The following MTHFD1 variants were observed in gnomAD, a reference collection of about 807,000 sequenced individuals.
MTHFD1 encodes the protein C-1-tetrahydrofolate synthase, cytoplasmic.
Under a neutral mutation model 110.3 loss-of-function variants are expected in MTHFD1, and 44 were observed. The observed-to-expected ratio is 0.40, with a 90% confidence interval of 0.31 to 0.51. The LOEUF is 0.51. Ranked by LOEUF, MTHFD1 falls within the 20% of genes least tolerant of loss-of-function variation. The probability of loss-of-function intolerance (pLI) is 0.60; values close to 1 mark genes in which losing one functional copy is unlikely to be tolerated. For missense variants in MTHFD1, 909 were observed against 1,173.1 expected (o/e 0.77, Z 3.29); for synonymous variants, 402 against 428.8 (o/e 0.94, Z 0.77).
In MTHFD1 at chr14:64,412,455, T is replaced by C. The variant is rs2077991969; in HGVS notation, c.187-17T>C. 3.1e-6 allele frequency: 5 copies of C among 1,604,642 alleles called. No homozygotes were observed. The African/African-American group carries it at 5.3e-5, about 17-fold the overall frequency. ...AGTTGTCTTGCCATTTACCTGCTTT[T>C]AATGTCTGTTTTGCAGATTGGGATC... On this transcript the variant is annotated splice_polypyrimidine_tract_variant and intron_variant, in intron 3 of 27. Coordinates refer to ENST00000652337, the MANE Select transcript of MTHFD1 (RefSeq NM_005956.4).
At chr14:64,407,737 G>A (rs2077946229) in intron 2 of MTHFD1, among the ~76,000 whole-genome samples, 2 of 151,820 alleles carry the variant, frequency 1.3e-5, no homozygotes, top group South Asian at 2.1e-4. Flanking sequence ...TTGTAGAGAT[G>A]GGGTTTCGAT....
In MTHFD1 at chr14:64,414,034, G is replaced by A. The variant is rs562495265; in HGVS notation, c.241-1324G>A. On this transcript the variant is annotated intron_variant, in intron 4 of 27. Transcript: ENST00000652337. ...TTTGAGGCAGAGTTTTACTCTTGTC[G>A]CCCAGGCTAGAGTGCAGTGGTGCAA... 3.1e-4 allele frequency among the ~76,000 whole-genome samples: 47 copies of A among 151,982 alleles called. 1 individual carries two copies. Among genetic ancestry groups the A allele is most frequent in the Non-Finnish European group, 6.3e-4 (43 of 68,004 alleles).
chr14:64,431,317 C>T (rs986771962), intron 13 of MTHFD1, among the ~76,000 whole-genome samples: 10 of 152,012 alleles, frequency 6.6e-5, no homozygotes, highest in African/African-American at 1.2e-4. Context: ...CCGCCCGCCT[C>T]GGCCTCCCAA....
rs1370226156 is a variant in MTHFD1 at position 64,400,803 on chromosome 14, G to T, written c.52G>T (p.Ala18Ser). The T allele has an allele frequency of 1.9e-6, 3 of 1,613,398 alleles. No individual in the cohort carries two copies. Among genetic ancestry groups the T allele is most frequent in the Non-Finnish European group, 2.5e-6 (3 of 1,179,500 alleles). The change falls in exon 2 of 28, where the codon GCG (alanine) becomes TCG (serine). Residue 18 changes from alanine to serine, a missense_variant. Ala to Ser is a moderately conservative substitution (Grantham distance 99). Around this residue, in one of 3 missense-constraint regions of MTHFD1, gnomAD observed 424 missense variants for 510.4 expected, o/e 0.83. Transcript: ENST00000652337. ...TTCCTTTTTCTCTAGGCAAATAAGGGCGAGACTGAAAAATCAAGTCACTCA... is the reference window on the plus strand; with the variant it reads ...TTCCTTTTTCTCTAGGCAAATAAGGTCGAGACTGAAAAATCAAGTCACTCA... ...NGKEISAQIR[A>S]RLKNQVTQLK...
chr14:64,430,834 T>C (rs956343806), intron 13 of MTHFD1, among the ~76,000 whole-genome samples: 1 of 152,162 alleles, frequency 6.6e-6, no homozygotes, highest in Non-Finnish European at 1.5e-5. Flanking sequence ...TCAGAATTCA[T>C]TTATGTAACT....
intron 26 of MTHFD1, among the ~76,000 whole-genome samples, chr14:64,455,966 AAATCCCTTGTGGTAGG>A (rs1401262675): frequency 6.6e-6 from 1 of 152,204 alleles, no homozygotes; most frequent in African/African-American, 2.4e-5. Flanking sequence ...GGATTTGTAG[AAATCCCTTGTGGTAGG>A]AATTTTCCAC....
At chr14:64,431,388 T>G (rs2078158905) in intron 13 of MTHFD1, 144 bp from the exon 14 acceptor site, 1 of 711,194 alleles carries the variant, frequency 1.4e-6, no homozygotes, top group South Asian at 1.5e-5. Context: ...TTTCAAGAAC[T>G]CCCTATATTG....
At chr14:64,429,562 C>T (rs2078143117) in intron 12 of MTHFD1, among the ~76,000 whole-genome samples, 2 of 152,096 alleles carry the variant, frequency 1.3e-5, no homozygotes, top group South Asian at 4.1e-4. Flanking sequence ...TTTTTGAGTG[C>T]TGACACGATG....
At chr14:64,397,165 AT>A in intron 1 of MTHFD1, among the ~76,000 whole-genome samples, 1 of 22,094 alleles carries the variant, frequency 4.5e-5, no homozygotes, top group African/African-American at 2.6e-4. Context: ...ATATATATAT[AT>A]ATATATATAT....
chr14:64,434,961 T>C (rs1454261100), intron 15 of MTHFD1, among the ~76,000 whole-genome samples: 7,271 of 137,414 alleles, frequency 0.053, 351 homozygotes, highest in African/African-American at 0.13. Flanking sequence ...TTTTTTTTTT[T>C]TTTTTTTTTT....
rs1392378881 is a variant in MTHFD1 at position 64,460,018 on chromosome 14, A to G, written c.*264A>G. On this transcript the variant is annotated 3_prime_UTR_variant, in exon 28 of 28. Transcript: ENST00000652337. ...AACAAGTTTGCCATCTTGGTGTTGC[A>G]ATATGAATTACAGCCTTAACAGACT... 1 of 1,153,460 alleles carries G rather than the reference A, an allele frequency of 8.7e-7. No individual in the cohort carries two copies. The highest frequency in any genetic ancestry group is 1.5e-5 in the African/African-American group (1 of 64,706). 71.5% of individuals were successfully genotyped at this position (1,153,460 alleles called of 1,614,324 possible). A position where few individuals can be genotyped will look rare whatever the true frequency, so the allele number is the denominator to read the frequency against.
chr14:64,420,671 T>C (rs372019887), intron 8 of MTHFD1, among the ~76,000 whole-genome samples: 1 of 152,224 alleles, frequency 6.6e-6, no homozygotes, highest in African/African-American at 2.4e-5. Flanking sequence ...CTCAGATCTA[T>C]CCCCGTGCTC....
At chr14:64,390,665 T>TGTTC (rs2077797005) in intron 1 of MTHFD1, among the ~76,000 whole-genome samples, 1 of 151,654 alleles carries the variant, frequency 6.6e-6, no homozygotes. Flanking sequence ...TTTGTTTGTT[T>TGTTC]GAGACAGAGT....
rs184214365 is a variant in MTHFD1, at chr14:64,400,325, T to C, written c.42-468T>C. Among the ~76,000 whole-genome samples, 14 of 148,762 alleles carry C rather than the reference T, an allele frequency of 9.4e-5. No homozygotes were observed. The East Asian group carries it at 2.2e-3, about 23-fold the overall frequency. The stretch of plus-strand genomic sequence containing the variant: ...ATCGATTGAACCTGGGAGGTGGAGG[T>C]TGTGGTAAGCTGAGATCGCACCATT... On this transcript the variant is annotated intron_variant, in intron 1 of 27. Transcript: ENST00000652337.
chr14:64,425,159 A>C (rs2078108838), intron 9 of MTHFD1, among the ~76,000 whole-genome samples: 1 of 152,102 alleles, frequency 6.6e-6, no homozygotes, highest in Admixed American at 6.5e-5. Flanking sequence ...GAAAGAAGAA[A>C]AGTGCGATCA....
At chr14:64,411,031 C>T in intron 2 of MTHFD1, 59 bp from the exon 3 acceptor site, 2 of 1,179,724 alleles carry the variant, frequency 1.7e-6, no homozygotes, top group Non-Finnish European at 1.3e-6. Flanking sequence ...ATTGTAGAAG[C>T]TTTTCTGTGC....
intron 1 of MTHFD1, among the ~76,000 whole-genome samples, chr14:64,390,027 G>C (rs993182829): frequency 6.6e-6 from 1 of 152,136 alleles, no homozygotes; most frequent in Admixed American, 6.5e-5. Flanking sequence ...AACTCCATAA[G>C]GGCAAATACA....
Position 64,454,792 on chromosome 14 carries a change from G to C in MTHFD1, c.2635G>C (p.Gly879Arg), listed in dbSNP as rs770012584. The change falls in exon 26 of 28, where the codon GGT (glycine) becomes CGT (arginine). Residue 879 changes from glycine to arginine, a missense_variant. This residue lies in a region of MTHFD1 where 482 missense variants were observed against 646.0 expected (regional missense o/e 0.75). Coordinates refer to ENST00000652337, the MANE Select transcript of MTHFD1 (RefSeq NM_005956.4). The part of the protein sequence containing the change: ...LSLSHNPEQK[G>R]VPTGFILPIR... ...TTTGTCTCACAACCCAGAGCAAAAA[G>C]GTGTCCCTACAGGCTTCATTCTGCC... 2 of 1,614,126 alleles carry C rather than the reference G, an allele frequency of 1.2e-6. No homozygotes were observed. Among genetic ancestry groups the C allele is most frequent in the Non-Finnish European group, 1.7e-6 (2 of 1,179,976 alleles).
chr14:64,411,496 A>G (rs775713849), intron 3 of MTHFD1, among the ~76,000 whole-genome samples: 2 of 152,198 alleles, frequency 1.3e-5, no homozygotes, highest in Non-Finnish European at 2.9e-5. Flanking sequence ...TCCAAATTTA[A>G]AGAGGAAAGG....
Sources: allele counts gnomAD v4.1 joint callset (sites outside exome capture counted in the v4.1 genomes callset), GRCh38; gene constraint gnomAD v4.1.1; regional missense constraint gnomAD v4.1.1; transcripts MANE v1.5; gene names NCBI Gene and HGNC (gene_info 2026-07-23, HGNC 2026-07-21).